The following ABCC6 variants were observed in gnomAD, a reference collection of about 807,000 sequenced individuals.
ABCC6 encodes ATP binding cassette subfamily C member 6.
A neutral mutation model predicts 169.5 loss-of-function variants in ABCC6; 126 were observed. That is an observed-to-expected ratio of 0.74 (90% CI 0.64 to 0.86). The LOEUF (loss-of-function observed/expected upper bound fraction) is 0.86. ABCC6 is among the 40% of genes least tolerant of loss of function. ABCC6 has a pLI of 0.00. For missense variants in ABCC6, 1,733 were observed against 1,927.2 expected (o/e 0.90, Z 1.89); for synonymous variants, 752 against 814.7 (o/e 0.92, Z 1.31).
chr16:16,155,389 A>G, intron 27 of ABCC6: 1 of 334,872 alleles, frequency 3.0e-6, no homozygotes, highest in South Asian at 4.9e-5. Flanking sequence ...TCCATCCCTT[A>G]TCCTTTTTTC....
At chr16:16,152,625 T>C (rs2046420869) in intron 29 of ABCC6, among the ~76,000 whole-genome samples, 1 of 151,044 alleles carries the variant, frequency 6.6e-6, no homozygotes, top group African/African-American at 2.4e-5. Flanking sequence ...CCTTGCAAGG[T>C]AGGTAGGTGC....
intron 26 of ABCC6, 47 bp from the exon 27 acceptor site, chr16:16,157,856 TTCACACAA>T (rs767330001): frequency 1.3e-6 from 2 of 1,582,856 alleles, no homozygotes; most frequent in South Asian, 2.2e-5. Flanking sequence ...CCTCTAAGAC[TTCACACAA>T]GATGGCCCAC....
In ABCC6 at chr16:16,165,857, G is replaced by A. The variant is rs767464604; in HGVS notation, c.3072C>T (p.Leu1024=). The A allele has an allele frequency of 7.4e-6, 12 of 1,613,236 alleles. No homozygotes were observed. The East Asian group carries it at 1.3e-4, about 18-fold the overall frequency. ...ARASRLLFQR[L]LWDVVRSPIS... The stretch of plus-strand genomic sequence containing the variant: ...TGGGAGATCGCACCACATCCCACAG[G>A]AGCCTCTGGAAGAGCAACCTGGATG... The change falls in exon 23 of 31, where the codon CTC becomes CTT. Residue 1024 remains leucine (L), a synonymous_variant. Coordinates refer to ENST00000205557, the MANE Select transcript of ABCC6 (RefSeq NM_001171.6).
At chr16:16,221,292 A>G in intron 2 of ABCC6, 1 of 1,319,314 alleles carries the variant, frequency 7.6e-7, no homozygotes, top group South Asian at 2.2e-5. Flanking sequence ...AAATAAATGC[A>G]TAACTTTTTA....
intron 20 of ABCC6, among the ~76,000 whole-genome samples, chr16:16,174,631 C>T (rs934206649): frequency 5.3e-5 from 8 of 151,656 alleles, no homozygotes; most frequent in Admixed American, 1.3e-4. Flanking sequence ...GTCACATGTG[C>T]CTGTAGTCCC....
chr16:16,212,654 T>A (rs1441476988), intron 5 of ABCC6, among the ~76,000 whole-genome samples: 2 of 151,582 alleles, frequency 1.3e-5, no homozygotes, highest in African/African-American at 4.9e-5. Flanking sequence ...AGGTGCCCTG[T>A]CTCCTTGCCA....
chr16:16,153,119 G>C (rs992930401), intron 29 of ABCC6, among the ~76,000 whole-genome samples: 4 of 152,122 alleles, frequency 2.6e-5, no homozygotes, highest in African/African-American at 9.7e-5. Flanking sequence ...TGGTCAGGCT[G>C]GTCTTGAACT....
At position 16,203,593 on chromosome 16, in the gene ABCC6, A is replaced by C; in HGVS notation, c.815T>G (p.Phe272Cys). The C allele has an allele frequency of 6.2e-7, 1 of 1,614,016 alleles. No homozygotes were observed. The highest frequency in any genetic ancestry group is 1.1e-5 in the South Asian group (1 of 91,074). The change falls in exon 8 of 31, where the codon TTT (phenylalanine) becomes TGT (cysteine). Residue 272 changes from phenylalanine to cysteine, a missense_variant. By Grantham distance (205) the Phe-to-Cys change is radical. This residue lies in a region of ABCC6 where 1,601 missense variants were observed against 1,635.5 expected (regional missense o/e 0.98). Coordinates refer to ENST00000205557, the MANE Select transcript of ABCC6 (RefSeq NM_001171.6). ...CATGCCACTGCCGCCTTTCCTTTTA[A>C]ATGCTATTGCCTTGTTGTGCCTGAG... is the stretch of plus-strand genomic sequence containing the variant. ...AARRHNKAIAFKRKGGSGMKA... is the reference protein window; with the variant it reads ...AARRHNKAIACKRKGGSGMKA...
chr16:16,203,913 G>A (rs1240907424), intron 7 of ABCC6, among the ~76,000 whole-genome samples: 4 of 152,148 alleles, frequency 2.6e-5, no homozygotes, highest in African/African-American at 9.7e-5. Context: ...CCCCTGAGAA[G>A]CCAGGTGTTG....
rs1175824786 is a variant in ABCC6 at position 16,199,615 on chromosome 16, A to G, written c.1177-1433T>C. On this transcript the variant is annotated intron_variant, in intron 9 of 30. Coordinates refer to ENST00000205557, the MANE Select transcript of ABCC6 (RefSeq NM_001171.6). ...GGTGTGAAGAAGTGATCCAGGAATGACTGGACATAGAAATTCTCCACTTAG... is the reference window on the plus strand; with the variant it reads ...GGTGTGAAGAAGTGATCCAGGAATGGCTGGACATAGAAATTCTCCACTTAG... Among the ~76,000 whole-genome samples the G allele has an allele frequency of 1.6e-5, 2 of 126,810 alleles. 1 individual carries two copies. The highest frequency in any genetic ancestry group is 4.6e-4 in the East Asian group (2 of 4,372). 83.2% of individuals were successfully genotyped at this position (126,810 alleles called of 152,430 possible). A position where few individuals can be genotyped will look rare whatever the true frequency, so the allele number is the denominator to read the frequency against.
At chr16:16,201,324 T>C (rs1045866381) in intron 9 of ABCC6, among the ~76,000 whole-genome samples, 7 of 152,172 alleles carry the variant, frequency 4.6e-5, no homozygotes, top group African/African-American at 1.7e-4. Context: ...CAGGCCACCT[T>C]ATCAGAAGGT....
At chr16:16,167,071 C>G (rs909787126) in intron 22 of ABCC6, among the ~76,000 whole-genome samples, 7 of 152,202 alleles carry the variant, frequency 4.6e-5, no homozygotes, top group African/African-American at 1.7e-4. Context: ...GAGAGAAATG[C>G]ACATCCTTCC....
chr16:16,162,901 G>A, intron 24 of ABCC6, 92 bp downstream of exon 24: 1 of 1,530,014 alleles, frequency 6.5e-7, no homozygotes. Context: ...TGACTCTCTG[G>A]GTGACCTCTC....
chr16:16,181,453 C>T (rs1164517629), intron 17 of ABCC6, among the ~76,000 whole-genome samples: 1 of 151,740 alleles, frequency 6.6e-6, no homozygotes, highest in East Asian at 1.9e-4. Context: ...AAAGGCCTCT[C>T]TGTGAAGGTG....
chr16:16,192,859 A>G lies in ABCC6; in HGVS notation c.1402T>C (p.Phe468Leu), dbSNP rs755200644. 4 of 1,614,112 alleles carry G rather than the reference A, an allele frequency of 2.5e-6. No homozygotes were observed. Among genetic ancestry groups the G allele is most frequent in the Non-Finnish European group, 3.4e-6 (4 of 1,180,024 alleles). The stretch of plus-strand genomic sequence containing the variant: ...TGGTGGTTCCTTTTCTTGGAGATGA[A>G]GAAATTCAGAGGGAGGAGGCTCAGG... ...VFLSLLPLNFFISKKRNHHQE... is the reference protein window; with the variant it reads ...VFLSLLPLNFLISKKRNHHQE... Residue 468 changes from phenylalanine (F) to leucine (L), a missense_variant, in exon 11 of 31, where the codon TTC becomes CTC. Coordinates refer to ENST00000205557, the MANE Select transcript of ABCC6 (RefSeq NM_001171.6).
intron 4 of ABCC6, among the ~76,000 whole-genome samples, chr16:16,215,437 A>AGG (rs1043495121): frequency 9.0e-6 from 1 of 110,970 alleles, no homozygotes; most frequent in African/African-American, 3.7e-5. Context: ...TTTTAATTTT[A>AGG]GGTGTGTGTG....
chr16:16,159,621 GCCACT>G, intron 25 of ABCC6, 38 bp from the exon 26 acceptor site: 1 of 1,591,994 alleles, frequency 6.3e-7, no homozygotes, highest in Non-Finnish European at 8.6e-7. Context: ...GTTTGGCAAG[GCCACT>G]TGAGGGCTTG....
Position 16,182,923 on chromosome 16 carries a change from G to A in ABCC6, c.1951C>T (p.Leu651Phe), listed in dbSNP as rs749872772. The A allele has an allele frequency of 2.5e-6, 4 of 1,614,134 alleles. No individual in the cohort carries two copies. The highest frequency in any genetic ancestry group is 4.5e-5 in the East Asian group (2 of 44,874). Residue 651 changes from leucine to phenylalanine, a missense_variant, in exon 16 of 31, where the codon CTC becomes TTC. Coordinates refer to ENST00000205557, the MANE Select transcript of ABCC6 (RefSeq NM_001171.6). Reference sequence around the variant, plus strand: ...AGCAGACAGCCCTGGGGCACCGTGAGGTTTATTCTGGACACGCAAGAGGGG... The same window carrying A: ...AGCAGACAGCCCTGGGGCACCGTGAAGTTTATTCTGGACACGCAAGAGGGG... Reference protein sequence around the residue: ...ESPPCLHRINLTVPQGCLLAV... With the variant: ...ESPPCLHRINFTVPQGCLLAV...
chr16:16,150,286 AG>A, intron 30 of ABCC6, 45 bp from the exon 31 acceptor site: 1 of 1,612,400 alleles, frequency 6.2e-7, no homozygotes, highest in Non-Finnish European at 8.5e-7. Flanking sequence ...ACACCAGCCC[AG>A]GCTCTCGGCA....
Sources: allele counts gnomAD v4.1 joint callset (sites outside exome capture counted in the v4.1 genomes callset), GRCh38; gene constraint gnomAD v4.1.1; regional missense constraint gnomAD v4.1.1; transcripts MANE v1.5; gene names NCBI Gene and HGNC (gene_info 2026-07-23, HGNC 2026-07-21).